Variants in LRRC37A2 observed in about 807,000 individuals in gnomAD.
LRRC37A2 encodes the protein leucine rich repeat containing 37 member A2.
Under a neutral mutation model 68.8 loss-of-function variants are expected in LRRC37A2, and 9 were observed. The ratio of observed to expected loss-of-function variants is 0.13; its 90% CI spans 0.08 to 0.23. The LOEUF (loss-of-function observed/expected upper bound fraction) is 0.23, where lower values mean the gene tolerates loss of function less well. LRRC37A2 is among the 10% of genes least tolerant of loss of function. The probability of loss-of-function intolerance (pLI) is 1.00; values close to 1 mark genes in which losing one functional copy is unlikely to be tolerated. For missense variants in LRRC37A2, 168 were observed against 950.4 expected (o/e 0.18, Z 10.82); for synonymous variants, 63 against 367.6 (o/e 0.17, Z 9.48).
chr17:46,782,140 C>T, the LRRC37A2 span, among the ~76,000 whole-genome samples: 1 of 152,380 alleles, frequency 6.6e-6, no homozygotes, highest in African/African-American at 2.4e-5. Flanking sequence ...CTCCCCAAGT[C>T]ATGCCTTCTT....
chr17:46,809,862 G>GCA, the LRRC37A2 span, among the ~76,000 whole-genome samples: 3 of 152,088 alleles, frequency 2.0e-5, no homozygotes, highest in Non-Finnish European at 4.4e-5. Context: ...AAGGAGCTGA[G>GCA]GACTCCCCTG....
downstream of LRRC37A2, chr17:46,558,721 G>A: frequency 7.3e-6 from 1 of 137,144 alleles, no homozygotes; most frequent in Non-Finnish European, 1.6e-5. Flanking sequence ...ATACACCTGT[G>A]GATCTCTAGC....
the LRRC37A2 span, chr17:46,923,165 C>T: frequency 1.2e-5 from 18 of 1,464,960 alleles, no homozygotes; most frequent in South Asian, 2.4e-5. Context: ...AAGCCAGAGC[C>T]GGAGCCGTGG....
At chr17:46,969,080 G>A in the LRRC37A2 span, among the ~76,000 whole-genome samples, 1 of 152,212 alleles carries the variant, frequency 6.6e-6, no homozygotes, top group Non-Finnish European at 1.5e-5. Context: ...CATGGCACAG[G>A]TCCTCACAGC....
the LRRC37A2 span, among the ~76,000 whole-genome samples, chr17:46,969,470 C>T: frequency 1.1e-4 from 16 of 152,168 alleles, no homozygotes; most frequent in African/African-American, 2.7e-4. Flanking sequence ...GAGAGAGCTG[C>T]ACAGGACCCC....
At chr17:46,715,640 T>C in the LRRC37A2 span, among the ~76,000 whole-genome samples, 1 of 152,226 alleles carries the variant, frequency 6.6e-6, no homozygotes, top group Non-Finnish European at 1.5e-5. Flanking sequence ...TACTTCAGGC[T>C]TCTGCAGATC....
chr17:46,489,587 G>A, the LRRC37A2 span, among the ~76,000 whole-genome samples: 1 of 149,010 alleles, frequency 6.7e-6, no homozygotes, highest in Non-Finnish European at 1.5e-5. Context: ...CCTGGTTCAA[G>A]CAGTTCTCCT....
chr17:46,599,967 T>A, the LRRC37A2 span, among the ~76,000 whole-genome samples: 1 of 110,786 alleles, frequency 9.0e-6, no homozygotes, highest in African/African-American at 4.1e-5. Flanking sequence ...TATTTAAAAA[T>A]TTTTTTTAGA....
At chr17:46,964,293 T>G in the LRRC37A2 span, 1 of 152,218 alleles carries the variant, frequency 6.6e-6, no homozygotes, top group Non-Finnish European at 1.5e-5. Flanking sequence ...CACATTGGAC[T>G]CCTCCTCCAG....
the LRRC37A2 span, among the ~76,000 whole-genome samples, chr17:46,771,829 T>C: frequency 2.1e-5 from 3 of 139,554 alleles, no homozygotes; most frequent in African/African-American, 7.8e-5. Flanking sequence ...GGCCGCGCGG[T>C]GGGGGGGCGG....
the LRRC37A2 span, among the ~76,000 whole-genome samples, chr17:46,757,737 G>A: frequency 6.6e-6 from 1 of 151,792 alleles, no homozygotes; most frequent in East Asian, 1.9e-4. Context: ...GGTGGCTCAT[G>A]CCTGTAATCC....
At chr17:47,020,056 A>G in the LRRC37A2 span, among the ~76,000 whole-genome samples, 14 of 150,424 alleles carry the variant, frequency 9.3e-5, no homozygotes, top group East Asian at 2.3e-3. Context: ...ATCATTGCTT[A>G]ACCGCTGCTC....
At chr17:46,413,067 A>AG in the LRRC37A2 span, among the ~76,000 whole-genome samples, 4 of 84,956 alleles carry the variant, frequency 4.7e-5, no homozygotes, top group South Asian at 2.1e-3. Flanking sequence ...GTGTGTGATA[A>AG]GGTCGTCATA....
At chr17:46,948,258 T>TA in the LRRC37A2 span, among the ~76,000 whole-genome samples, 1 of 152,324 alleles carries the variant, frequency 6.6e-6, no homozygotes, top group Admixed American at 6.5e-5. Context: ...GGCCAGTGCA[T>TA]ACTGCCATGC....
At chr17:46,872,573 C>G in the LRRC37A2 span, 1 of 1,599,336 alleles carries the variant, frequency 6.3e-7, no homozygotes, top group African/African-American at 1.3e-5. Flanking sequence ...GCGGCAGCCC[C>G]GGCACAGGGC....
the LRRC37A2 span, among the ~76,000 whole-genome samples, chr17:46,907,950 C>A: frequency 6.6e-6 from 1 of 152,130 alleles, no homozygotes; most frequent in South Asian, 2.1e-4. Context: ...TTAACCACAA[C>A]TCCATTTGGG....
chr17:47,016,052 C>T, the LRRC37A2 span, among the ~76,000 whole-genome samples: 2 of 152,270 alleles, frequency 1.3e-5, no homozygotes, highest in Middle Eastern at 6.8e-3. Context: ...TCAAGCGATT[C>T]TCCTGCTTTG....
intron 12 of LRRC37A2, 167 bp from the exon 12 acceptor site, chr17:46,554,983 CAT>C: frequency 2.6e-6 from 1 of 390,662 alleles, no homozygotes; most frequent in Non-Finnish European, 3.9e-6. Flanking sequence ...GAAAGTCCCA[CAT>C]GCATGGAATT....
the LRRC37A2 span, chr17:46,949,013 A>T: frequency 1.3e-5 from 2 of 152,216 alleles, no homozygotes; most frequent in African/African-American, 4.8e-5. Context: ...ACCCACCTGC[A>T]TTGTGATCCA....
Sources: allele counts gnomAD v4.1 joint callset (sites outside exome capture counted in the v4.1 genomes callset), GRCh38; gene constraint gnomAD v4.1.1; transcripts MANE v1.5; gene names NCBI Gene and HGNC (gene_info 2026-07-23, HGNC 2026-07-21).